Variants in SMAD3 observed in about 807,000 individuals in gnomAD.
The protein encoded by SMAD3 is SMAD family member 3.
In SMAD3, 12 loss-of-function variants were observed where a neutral mutation model predicts 51.8. The ratio of observed to expected loss-of-function variants is 0.23; its 90% confidence interval spans 0.15 to 0.38. SMAD3 has a LOEUF of 0.38. SMAD3 is among the 10% of genes least tolerant of loss of function. SMAD3 has a pLI of 1.00. For synonymous variants in SMAD3, 238 were observed against 227.7 expected, an observed-to-expected ratio of 1.05 and a Z score of -0.41; for missense variants, 294 against 565.6, an observed-to-expected ratio of 0.52 and a Z score of 4.87.
In SMAD3 at chr15:67,183,068, G is replaced by A. The variant is rs1449090708; in HGVS notation, c.871+1615G>A. On this transcript the variant is annotated intron_variant, in intron 6 of 8. Coordinates refer to ENST00000327367, the MANE Select transcript of SMAD3 (RefSeq NM_005902.4). ...TTTTTTTTTGGAGCGGGGAGACCAA[G>A]TCTCGCTCTTGTCTCCCAGGCTGGA... Among the ~76,000 whole-genome samples, 5 of 106,686 alleles carry A rather than the reference G, an allele frequency of 4.7e-5. No individual in the cohort carries two copies. The East Asian group carries it at 1.5e-3, about 31-fold the overall frequency. 70.0% of individuals were successfully genotyped at this position (106,686 alleles called of 152,430 possible).
At chr15:67,164,749 A>C in intron 1 of SMAD3, 146 bp from the exon 2 acceptor site, 1 of 854,830 alleles carries the variant, frequency 1.2e-6, no homozygotes, top group Non-Finnish European at 2.0e-6. Flanking sequence ...CTCAGCTAGC[A>C]GTGCTCTGAT....
At chr15:67,088,118 C>T (rs753892189) in intron 1 of SMAD3, among the ~76,000 whole-genome samples, 5 of 152,202 alleles carry the variant, frequency 3.3e-5, no homozygotes, top group Non-Finnish European at 5.9e-5. Flanking sequence ...CTACTCTCAC[C>T]TTTATCGCAG....
chr15:67,188,713 C>G (rs1183490447), intron 8 of SMAD3, among the ~76,000 whole-genome samples: 1 of 152,228 alleles, frequency 6.6e-6, no homozygotes, highest in Non-Finnish European at 1.5e-5. Flanking sequence ...TTCATTTTTC[C>G]AGATGTTTGG....
chr15:67,124,236 G>C (rs993367529), intron 1 of SMAD3, among the ~76,000 whole-genome samples: 1 of 152,152 alleles, frequency 6.6e-6, no homozygotes, highest in African/African-American at 2.4e-5. Context: ...TGATCCTCCC[G>C]CCTCAGCTTC....
At chr15:67,095,656 C>T (rs768100852) in intron 1 of SMAD3, among the ~76,000 whole-genome samples, 3 of 152,038 alleles carry the variant, frequency 2.0e-5, no homozygotes, top group Admixed American at 6.5e-5. Context: ...TTCAGCCTCC[C>T]GAGTAGCTGG....
chr15:67,144,305 A>T (rs1444429827), intron 1 of SMAD3, among the ~76,000 whole-genome samples: 1 of 151,932 alleles, frequency 6.6e-6, no homozygotes, highest in Non-Finnish European at 1.5e-5. Flanking sequence ...TTTCAGATTC[A>T]TCCATCTTTT....
In SMAD3 at chr15:67,105,305, G is replaced by A. The variant is rs79887171; in HGVS notation, c.206+38945G>A. ...AGGGAGTAGCTGCCTCTGTTTGGTG[G>A]TGGGGACTCAGGCAGGATGGGTAGG... is the stretch of plus-strand genomic sequence containing the variant. On this transcript the variant is annotated intron_variant, in intron 1 of 8. Coordinates refer to ENST00000327367, the MANE Select transcript of SMAD3 (RefSeq NM_005902.4). 4.2e-3 allele frequency among the ~76,000 whole-genome samples: 635 copies of A among 152,262 alleles called. 24 individuals carry two copies. The East Asian group carries it at 0.094, about 22-fold the overall frequency.
At chr15:67,103,793 G>A (rs755118226) in intron 1 of SMAD3, among the ~76,000 whole-genome samples, 25 of 152,218 alleles carry the variant, frequency 1.6e-4, no homozygotes, top group Admixed American at 5.9e-4. Context: ...TGGATCCACC[G>A]TTTCGGCTTT....
chr15:67,103,048 G>A (rs751791818), intron 1 of SMAD3, among the ~76,000 whole-genome samples: 30 of 152,038 alleles, frequency 2.0e-4, no homozygotes, highest in Non-Finnish European at 3.5e-4. Flanking sequence ...TATGTAGTAC[G>A]TGCTCAGTAC....
rs571662141 is a variant in SMAD3 at position 67,191,646 on chromosome 15, G to T, written c.*1110G>T. On this transcript the variant is annotated 3_prime_UTR_variant, in exon 9 of 9. Coordinates refer to ENST00000327367, the MANE Select transcript of SMAD3 (RefSeq NM_005902.4). ...CTGAGGTGAAGCTTTTCCAGGTTTT[G>T]TTGAAGAGATACCTGCCAGCACTTC... 8.6e-6 allele frequency: 2 copies of T among 232,876 alleles called. No individual in the cohort carries two copies. Among genetic ancestry groups the T allele is most frequent in the Admixed American group, 1.1e-4 (2 of 17,778 alleles). 14.4% of individuals were successfully genotyped at this position (232,876 alleles called of 1,614,324 possible). A position where few individuals can be genotyped will look rare whatever the true frequency, so the allele number is the denominator to read the frequency against.
At chr15:67,104,878 C>A (rs1220265140) in intron 1 of SMAD3, among the ~76,000 whole-genome samples, 1 of 152,264 alleles carries the variant, frequency 6.6e-6, no homozygotes, top group Non-Finnish European at 1.5e-5. Context: ...TTCTTCTCCC[C>A]CTTTTAGTAC....
chr15:67,187,283 T>A lies in SMAD3; in HGVS notation c.1010-82T>A, dbSNP rs1567003378. On this transcript the variant is annotated intron_variant, in intron 7 of 8. Coordinates refer to ENST00000327367, the MANE Select transcript of SMAD3 (RefSeq NM_005902.4). ...GTATAAATGAGGCTGGTCTAGGGGG[T>A]CCAGGACTTGCTTTATCCAGGAGGG... The A allele has an allele frequency of 4.5e-6, 7 of 1,554,452 alleles. No homozygotes were observed. In the East Asian group the frequency reaches 1.6e-4, roughly 35 times the overall value.
intron 1 of SMAD3, among the ~76,000 whole-genome samples, chr15:67,118,809 C>A (rs1169276937): frequency 6.6e-6 from 1 of 152,190 alleles, no homozygotes; most frequent in African/African-American, 2.4e-5. Context: ...GAACCCAAGC[C>A]AGGTGAGGTC....
chr15:67,164,523 C>T (rs1300419834), intron 1 of SMAD3, among the ~76,000 whole-genome samples: 1 of 152,200 alleles, frequency 6.6e-6, no homozygotes, highest in Admixed American at 6.5e-5. Context: ...CCTCTCCACA[C>T]CTCTGGGCTG....
chr15:67,165,189 C>T (rs763227658), intron 2 of SMAD3, 64 bp from the exon 3 acceptor site: 178 of 1,613,190 alleles, frequency 1.1e-4, no homozygotes, highest in Non-Finnish European at 1.4e-4. Context: ...CTTGGGGGTG[C>T]GGGGACTTTG....
At chr15:67,140,834 C>A (rs978063764) in intron 1 of SMAD3, among the ~76,000 whole-genome samples, 7 of 151,968 alleles carry the variant, frequency 4.6e-5, no homozygotes, top group Non-Finnish European at 1.0e-4. Flanking sequence ...GGAAATGGGG[C>A]CAGGTGTAAG....
intron 1 of SMAD3, chr15:67,098,753 C>A: frequency 1.6e-6 from 1 of 637,886 alleles, no homozygotes; most frequent in Non-Finnish European, 2.8e-6. Flanking sequence ...GTGGAGGCCT[C>A]CACAGCCCCC....
chr15:67,161,436 C>T (rs943305674), intron 1 of SMAD3, among the ~76,000 whole-genome samples: 4 of 152,252 alleles, frequency 2.6e-5, no homozygotes, highest in Non-Finnish European at 4.4e-5. Flanking sequence ...CTTACCTCCA[C>T]AGCCCCATTC....
At chr15:67,079,854 C>T (rs529332302) in intron 1 of SMAD3, among the ~76,000 whole-genome samples, 1 of 152,302 alleles carries the variant, frequency 6.6e-6, no homozygotes, top group African/African-American at 2.4e-5. Context: ...ACACTGCTAT[C>T]ATTATTCTCA....
Sources: gnomAD v4.1 joint callset for allele counts (sites outside exome capture counted in the v4.1 genomes callset) on GRCh38, gnomAD v4.1.1 for gene constraint, MANE v1.5 for transcripts, NCBI Gene and HGNC (gene_info 2026-07-23, HGNC 2026-07-21) for gene names.